SYNE2: variants seen among roughly 807,000 people sequenced by gnomAD.
The protein encoded by SYNE2 is nesprin-2.
SYNE2 carries 431 observed loss-of-function variants against 856.3 expected under a neutral mutation model. That is an observed-to-expected ratio of 0.50 (90% CI 0.47 to 0.55). The LOEUF (loss-of-function observed/expected upper bound fraction) is 0.55, where lower values mean the gene tolerates loss of function less well. Among genes scored for constraint, SYNE2 ranks in the 20% least tolerant of loss-of-function variants. SYNE2 has a pLI of 0.00. For missense variants in SYNE2, 8,129 were observed against 8,023.2 expected (o/e 1.01, Z -0.50); for synonymous variants, 2,923 against 2,872.3 (o/e 1.02, Z -0.56).
intron 10 of SYNE2, among the ~76,000 whole-genome samples, chr14:63,966,505 A>G (rs2096393838): frequency 6.6e-6 from 1 of 151,822 alleles, no homozygotes; most frequent in Non-Finnish European, 1.5e-5. Context: ...CCTGGGCGAT[A>G]GAGCCAGATC....
At chr14:64,068,027 C>T (rs768998777) in intron 51 of SYNE2, among the ~76,000 whole-genome samples, 2 of 152,128 alleles carry the variant, frequency 1.3e-5, no homozygotes, top group African/African-American at 2.4e-5. Flanking sequence ...GACCGTGAAC[C>T]TGAAAGTTTT....
At chr14:63,821,546 G>A (rs534389515) in intron 1 of SYNE2, among the ~76,000 whole-genome samples, 2 of 151,692 alleles carry the variant, frequency 1.3e-5, no homozygotes, top group Admixed American at 6.6e-5. Context: ...TTGAGGTTAG[G>A]AGTTCGAGAC....
intron 61 of SYNE2, among the ~76,000 whole-genome samples, chr14:64,095,487 A>C (rs1477759980): frequency 6.6e-6 from 1 of 152,216 alleles, no homozygotes; most frequent in African/African-American, 2.4e-5. Flanking sequence ...CGATCTTCCA[A>C]ATGTTGACAC....
chr14:63,944,278 T>TTATATATATATATA (rs71123818), intron 6 of SYNE2, among the ~76,000 whole-genome samples: 196 of 143,992 alleles, frequency 1.4e-3, no homozygotes, highest in African/African-American at 4.6e-3. Flanking sequence ...TTCTGAATTT[T>TTATATATATATATA]TATATATATA....
In SYNE2 at chr14:64,211,829, G is replaced by C. The variant is rs1420414575; in HGVS notation, c.18724-132G>C. On this transcript the variant is annotated intron_variant, in intron 103 of 115. Transcript: ENST00000555002. ...CAACATAGTGCTTCTGGGGCTTTCTGGGTACCCTAGAGGCAGATTTCTCCC... is the reference window on the plus strand; with the variant it reads ...CAACATAGTGCTTCTGGGGCTTTCTCGGTACCCTAGAGGCAGATTTCTCCC... The C allele has an allele frequency of 5.9e-6, 8 of 1,348,942 alleles. No individual in the cohort carries two copies. In the Admixed American group the frequency reaches 1.2e-4, roughly 21 times the overall value. The allele number at this position is 1,348,942 out of a possible 1,614,324, so 83.6% of individuals were successfully genotyped here. A position where few individuals can be genotyped will look rare whatever the true frequency, so the allele number is the denominator to read the frequency against.
At position 64,221,599 on chromosome 14, in the gene SYNE2, TCTG is replaced by T. The variant is rs1204489969; in HGVS notation, c.20092_20094del (p.Leu6698del). The T allele has an allele frequency of 3.1e-6, 5 of 1,614,066 alleles. No individual in the cohort carries two copies. In the African/African-American group the frequency reaches 4.0e-5, roughly 13 times the overall value. On this transcript the variant is annotated inframe_deletion, in exon 112 of 116. Coordinates refer to ENST00000555002, the MANE Select transcript of SYNE2 (RefSeq NM_182914.3). ...AGGACTTCCACCAGTTGAGTCAAAATCTGCTGCTGTGGTTAGCGAGTGCCAAGA... is the reference window on the plus strand; with the variant it reads ...AGGACTTCCACCAGTTGAGTCAAAATCTGCTGTGGTTAGCGAGTGCCAAGA...
At chr14:63,835,159 TATC>T (rs1286551194) in intron 1 of SYNE2, among the ~76,000 whole-genome samples, 6 of 152,234 alleles carry the variant, frequency 3.9e-5, no homozygotes, top group Non-Finnish European at 8.8e-5. Flanking sequence ...TAAAACCAGT[TATC>T]ATGGATATGT....
intron 1 of SYNE2, among the ~76,000 whole-genome samples, chr14:63,886,841 G>C (rs911742246): frequency 6.6e-6 from 1 of 151,992 alleles, no homozygotes; most frequent in Non-Finnish European, 1.5e-5. Context: ...TGTATTTTTA[G>C]TAGTGACAGA....
chr14:64,038,678 C>A (rs1247235765), intron 45 of SYNE2, among the ~76,000 whole-genome samples: 1 of 152,166 alleles, frequency 6.6e-6, no homozygotes. Flanking sequence ...CGGTCTCCAT[C>A]AAAAAAATAC....
chr14:64,163,126 C>T (rs1595918299), intron 88 of SYNE2, among the ~76,000 whole-genome samples: 1 of 152,144 alleles, frequency 6.6e-6, no homozygotes, highest in Non-Finnish European at 1.5e-5. Context: ...TACATGAGTA[C>T]TCAGGTTGTC....
intron 99 of SYNE2, chr14:64,202,332 A>G (rs2098576626): frequency 1.4e-6 from 1 of 701,856 alleles, no homozygotes. Context: ...TTGTGGACCA[A>G]ATACCACCAA....
intron 100 of SYNE2, among the ~76,000 whole-genome samples, chr14:64,207,400 C>T (rs992955835): frequency 4.6e-5 from 7 of 152,176 alleles, no homozygotes; most frequent in Admixed American, 4.6e-4. Flanking sequence ...CATGGTAAAA[C>T]CCCATCTCTA....
rs1314120082 is a variant in SYNE2 at position 64,211,797 on chromosome 14, CTCTGAACAACATAGTGCT to C, written c.18724-159_18724-142del. On this transcript the variant is annotated intron_variant, in intron 103 of 115. Transcript: ENST00000555002. ...CACAAAGCCAGAACCAGACCCCAGC[CTCTGAACAACATAGTGCT>C]TCTGGGGCTTTCTGGGTACCCTAGA... 3.3e-5 allele frequency among the ~76,000 whole-genome samples: 5 copies of C among 152,330 alleles called. No individual in the cohort carries two copies. The East Asian group carries it at 9.6e-4, about 29-fold the overall frequency.
At chr14:64,037,948 C>T (rs897426323) in intron 45 of SYNE2, among the ~76,000 whole-genome samples, 1 of 151,808 alleles carries the variant, frequency 6.6e-6, no homozygotes, top group African/African-American at 2.4e-5. Flanking sequence ...GGCTGACCCC[C>T]CCACCTCCCT....
chr14:64,090,823 T>C (rs199701189), intron 59 of SYNE2, 43 bp from the exon 60 acceptor site: 1 of 1,548,112 alleles, frequency 6.5e-7, no homozygotes, highest in African/African-American at 1.4e-5. Context: ...ACAGTGGCCA[T>C]TGTCTTTTCA....
intron 1 of SYNE2, among the ~76,000 whole-genome samples, chr14:63,901,678 A>G (rs2095338717): frequency 6.6e-6 from 1 of 152,216 alleles, no homozygotes; most frequent in Non-Finnish European, 1.5e-5. Flanking sequence ...TAATCCCAGG[A>G]CTTTGGGAGG....
chr14:63,990,484 A>C lies in SYNE2; in HGVS notation c.2387A>C (p.Gln796Pro). 1 of 1,613,890 alleles carries C rather than the reference A, an allele frequency of 6.2e-7. No individual in the cohort carries two copies. The highest frequency in any genetic ancestry group is 8.5e-7 in the Non-Finnish European group (1 of 1,179,932). ...RSEDMLQMDI[Q>P]NISSQESFQH... is the part of the protein sequence containing the mutation. ...GAAGATATGTTACAAATGGATATAC[A>C]AAATATTTCAAGCCAGGAGTCCTTT... Residue 796 changes from glutamine (Q) to proline (P), a missense_variant, in exon 20 of 116, where the codon CAA becomes CCA. Physicochemically the swap from Gln to Pro is moderately conservative, Grantham distance 76 (BLOSUM62 -1). Transcript: ENST00000555002.
At chr14:63,863,497 T>G (rs961755301) in intron 1 of SYNE2, among the ~76,000 whole-genome samples, 1 of 152,300 alleles carries the variant, frequency 6.6e-6, no homozygotes, top group East Asian at 1.9e-4. Context: ...TTAGCTAATT[T>G]TCATTTTAAA....
In SYNE2 at chr14:64,126,434, C is replaced by G; in HGVS notation, c.13662C>G (p.Pro4554=). 1.2e-6 allele frequency: 2 copies of G among 1,614,094 alleles called. No homozygotes were observed. The highest frequency in any genetic ancestry group is 1.7e-6 in the Non-Finnish European group (2 of 1,179,996). The change falls in exon 72 of 116, where the codon CCC becomes CCG. Residue 4554 remains proline (P), a synonymous_variant. Transcript: ENST00000555002. The part of the protein sequence containing the change: ...LSSVEEMLEM[P]RLYREDGSGQ... Reference sequence around the variant, plus strand: ...GTGTGGAGGAGATGCTGGAGATGCCCAGACTTTACAGGGAGGATGGTTCTG... The same window carrying G: ...GTGTGGAGGAGATGCTGGAGATGCCGAGACTTTACAGGGAGGATGGTTCTG...
Sources: allele counts gnomAD v4.1 joint callset (sites outside exome capture counted in the v4.1 genomes callset), GRCh38; gene constraint gnomAD v4.1.1; transcripts MANE v1.5; gene names NCBI Gene and HGNC (gene_info 2026-07-23, HGNC 2026-07-21).